Variants in NELL2 observed in about 807,000 individuals in gnomAD.
The protein encoded by NELL2 is protein kinase C-binding protein NELL2.
Under a neutral mutation model 109.6 loss-of-function variants are expected in NELL2, and 41 were observed. The observed-to-expected ratio is 0.37, with a 90% CI of 0.29 to 0.49. The LOEUF (loss-of-function observed/expected upper bound fraction) is 0.49. NELL2 is among the 20% of genes least tolerant of loss of function. NELL2 has a pLI of 0.98. For missense variants in NELL2, 900 were observed against 1,008.3 expected (o/e 0.89, Z 1.45); for synonymous variants, 355 against 344.7 (o/e 1.03, Z -0.33).
chr12:44,511,864 G>T (rs1941015302), intron 19 of NELL2, among the ~76,000 whole-genome samples: 1 of 152,102 alleles, frequency 6.6e-6, no homozygotes, highest in Non-Finnish European at 1.5e-5. Context: ...ATTAATACCT[G>T]CAACTATAAA....
chr12:44,750,919 AT>A (rs1405817660), intron 9 of NELL2, among the ~76,000 whole-genome samples: 6 of 152,160 alleles, frequency 3.9e-5, no homozygotes, highest in Admixed American at 2.0e-4. Flanking sequence ...AGAGTAAGCA[AT>A]ATTCAAGAAG....
intron 9 of NELL2, among the ~76,000 whole-genome samples, chr12:44,771,929 C>T (rs1408393897): frequency 1.3e-5 from 2 of 152,318 alleles, no homozygotes; most frequent in Admixed American, 6.5e-5. Context: ...GCACGTGTTT[C>T]GTTCATTTCA....
intron 11 of NELL2, 105 bp from the exon 12 acceptor site, chr12:44,703,959 A>AT: frequency 1.1e-6 from 1 of 920,046 alleles, no homozygotes; most frequent in Non-Finnish European, 1.6e-6. Flanking sequence ...TCCCTAAATA[A>AT]TTTTTTAATT....
At chr12:44,693,605 T>C (rs1948968072) in intron 12 of NELL2, among the ~76,000 whole-genome samples, 1 of 152,216 alleles carries the variant, frequency 6.6e-6, no homozygotes, top group Non-Finnish European at 1.5e-5. Context: ...TTGCTTCAAA[T>C]TTTAAAATGT....
chr12:44,599,478 C>A (rs181511071), intron 15 of NELL2, among the ~76,000 whole-genome samples: 5 of 152,096 alleles, frequency 3.3e-5, no homozygotes, highest in Non-Finnish European at 7.4e-5. Context: ...AATAATGGAT[C>A]AGACAAAGCT....
Position 44,807,013 on chromosome 12 carries a change from G to A in NELL2, c.335+8973C>T, listed in dbSNP as rs150744071. Among the ~76,000 whole-genome samples, 610 of 151,118 alleles carry A rather than the reference G, an allele frequency of 4.0e-3. 13 individuals are homozygous for A. Among genetic ancestry groups the A allele is most frequent in the East Asian group, 0.028 (143 of 5,142 alleles). On this transcript the variant is annotated intron_variant, in intron 3 of 19. Transcript: ENST00000429094. The stretch of plus-strand genomic sequence containing the variant: ...TAGATGGGTTCAAGACTAAGACAGG[G>A]AAACCATAAAAAAATTATATTTTTA...
chr12:44,834,855 A>G (rs1944003066), intron 2 of NELL2, among the ~76,000 whole-genome samples: 3 of 152,142 alleles, frequency 2.0e-5, no homozygotes, highest in African/African-American at 7.2e-5. Context: ...GCGCCAGGAG[A>G]GCAACAGGGC....
At position 44,875,099 on chromosome 12, in the gene NELL2, T is replaced by G. The variant is rs113747741; in HGVS notation, c.184+126A>C. 5.9e-3 allele frequency: 7,802 copies of G among 1,312,780 alleles called. 410 individuals carry two copies. The African/African-American group carries it at 0.1, about 17-fold the overall frequency. The allele number at this position is 1,312,780 out of a possible 1,614,324, so 81.3% of individuals were successfully genotyped here. ...AGGGATATGTGTCTCACACTGGCCC[T>G]TCTACACCTCAGCTAAAGTACTGTC... On this transcript the variant is annotated intron_variant, in intron 2 of 19. Transcript: ENST00000429094.
At chr12:44,816,356 A>C (rs886077381) in intron 2 of NELL2, among the ~76,000 whole-genome samples, 2 of 152,322 alleles carry the variant, frequency 1.3e-5, no homozygotes, top group Middle Eastern at 6.8e-3. Context: ...CTTAGGTTTC[A>C]GGAATCTTTT....
In NELL2 at chr12:44,861,055, T is replaced by C. The variant is rs1002019206; in HGVS notation, c.184+14170A>G. Among the ~76,000 whole-genome samples, 7 of 152,012 alleles carry C rather than the reference T, an allele frequency of 4.6e-5. No homozygotes were observed. In the East Asian group the frequency reaches 9.6e-4, roughly 21 times the overall value. On this transcript the variant is annotated intron_variant, in intron 2 of 19. Coordinates refer to ENST00000429094, the MANE Select transcript of NELL2 (RefSeq NM_001145108.2). ...ATCAATTAGAACAACTATCAACACATAACAATATACCATCACAAAAGCTAA... is the reference window on the plus strand; with the variant it reads ...ATCAATTAGAACAACTATCAACACACAACAATATACCATCACAAAAGCTAA...
chr12:44,890,977 G>T (rs893626486), intron 1 of NELL2, among the ~76,000 whole-genome samples: 1 of 152,108 alleles, frequency 6.6e-6, no homozygotes, highest in Non-Finnish European at 1.5e-5. Context: ...TGATCCACCC[G>T]CCTCGGCATC....
At chr12:44,626,570 A>C (rs894356006) in intron 13 of NELL2, among the ~76,000 whole-genome samples, 6 of 152,192 alleles carry the variant, frequency 3.9e-5, no homozygotes, top group African/African-American at 7.2e-5. Flanking sequence ...TTCAAATAAA[A>C]GTTGGATGAG....
intron 2 of NELL2, among the ~76,000 whole-genome samples, chr12:44,829,448 C>G (rs544061825): frequency 6.6e-6 from 1 of 152,246 alleles, no homozygotes; most frequent in South Asian, 2.1e-4. Context: ...AATTTTTCAG[C>G]TAATATCATT....
At chr12:44,737,680 A>T (rs1013763309) in intron 9 of NELL2, among the ~76,000 whole-genome samples, 2 of 152,072 alleles carry the variant, frequency 1.3e-5, no homozygotes, top group African/African-American at 4.8e-5. Context: ...GCCCACAGAG[A>T]ATCATTCTTC....
In NELL2 at chr12:44,813,642, G is replaced by T. The variant is rs1472439724; in HGVS notation, c.335+2344C>A. On this transcript the variant is annotated intron_variant, in intron 3 of 19. Coordinates refer to ENST00000429094, the MANE Select transcript of NELL2 (RefSeq NM_001145108.2). ...TAAGGGGTTGATTAAACAAAATATG[G>T]CGTATCAATACACATAGACAAAAGG... Among the ~76,000 whole-genome samples the T allele has an allele frequency of 6.6e-5, 10 of 152,068 alleles. No homozygotes were observed. In the East Asian group the frequency reaches 1.5e-3, roughly 23 times the overall value.
upstream of NELL2, among the ~76,000 whole-genome samples, chr12:44,917,331 G>C (rs1945836239): frequency 6.6e-6 from 1 of 152,180 alleles, no homozygotes. Flanking sequence ...GAGAAACCCA[G>C]CCCAACCACT....
intron 15 of NELL2, among the ~76,000 whole-genome samples, chr12:44,559,656 C>G (rs1005665216): frequency 1.3e-5 from 2 of 152,148 alleles, no homozygotes; most frequent in Admixed American, 1.3e-4. Flanking sequence ...GCACCCAATA[C>G]AGGAGCACCC....
At chr12:44,591,612 C>T (rs1426126945) in intron 15 of NELL2, among the ~76,000 whole-genome samples, 1 of 151,980 alleles carries the variant, frequency 6.6e-6, no homozygotes, top group Non-Finnish European at 1.5e-5. Flanking sequence ...TACTAGAAGA[C>T]AGAAAGGAGC....
intron 1 of NELL2, among the ~76,000 whole-genome samples, chr12:44,882,472 G>GTATTTTCAACATATATACATATGTA (rs1945424694): frequency 6.6e-6 from 1 of 150,818 alleles, no homozygotes; most frequent in African/African-American, 2.5e-5. Flanking sequence ...ATACATATGT[G>GTATTTTCAACATATATACATATGTA]TATATATACA....
Sources: gnomAD v4.1 joint callset for allele counts (sites outside exome capture counted in the v4.1 genomes callset) on GRCh38, gnomAD v4.1.1 for gene constraint, MANE v1.5 for transcripts, NCBI Gene and HGNC (gene_info 2026-07-23, HGNC 2026-07-21) for gene names.